ELAPOR1: variants seen among roughly 807,000 people sequenced by gnomAD.
ELAPOR1 encodes endosome-lysosome associated apoptosis and autophagy regulator 1.
A neutral mutation model predicts 119.7 loss-of-function variants in ELAPOR1; 77 were observed. The ratio of observed to expected loss-of-function variants is 0.64; its 90% confidence interval spans 0.54 to 0.78. The LOEUF (loss-of-function observed/expected upper bound fraction) is 0.78. Among genes scored for constraint, ELAPOR1 ranks in the 30% least tolerant of loss-of-function variants. The probability of loss-of-function intolerance (pLI) is 0.00; values close to 1 mark genes in which losing one functional copy is unlikely to be tolerated. For synonymous variants in ELAPOR1, 481 were observed against 487.2 expected, an observed-to-expected ratio of 0.99 and a Z score of 0.17; for missense variants, 1,115 against 1,270.4, an observed-to-expected ratio of 0.88 and a Z score of 1.86.
chr1:109,123,228 G>A (rs1648557431), intron 1 of ELAPOR1, among the ~76,000 whole-genome samples: 1 of 152,148 alleles, frequency 6.6e-6, no homozygotes, highest in South Asian at 2.1e-4. Context: ...GGAAGAATAT[G>A]TTGCCATTTT....
rs1400643296 is a variant in ELAPOR1 at position 109,177,305 on chromosome 1, T to C, written c.952+3468T>C. On this transcript the variant is annotated intron_variant, in intron 7 of 21. Coordinates refer to ENST00000369939, the MANE Select transcript of ELAPOR1 (RefSeq NM_020775.5). ...GACGCTCCTCACTTCCCAGACGGGG[T>C]GGCTGCTGGGCGGAGGGGCTCCTCA... is the stretch of plus-strand genomic sequence containing the variant. Among the ~76,000 whole-genome samples, 475 of 113,628 alleles carry C rather than the reference T, an allele frequency of 4.2e-3. 7 individuals carry two copies. Among genetic ancestry groups the C allele is most frequent in the African/African-American group, 0.015 (378 of 24,432 alleles). The allele number at this position is 113,628 out of a possible 152,430, so 74.5% of individuals were successfully genotyped here.
intron 3 of ELAPOR1, among the ~76,000 whole-genome samples, chr1:109,167,903 C>T (rs1050592205): frequency 1.3e-5 from 2 of 152,176 alleles, no homozygotes; most frequent in African/African-American, 2.4e-5. Context: ...GCCACTGCAC[C>T]CAGCCTCATC....
intron 3 of ELAPOR1, among the ~76,000 whole-genome samples, chr1:109,169,672 T>G (rs1255331875): frequency 2.0e-5 from 3 of 152,230 alleles, no homozygotes; most frequent in Non-Finnish European, 4.4e-5. Flanking sequence ...CCCCACTATG[T>G]GCCAGGTCCA....
chr1:109,197,865 C>G, intron 16 of ELAPOR1, 114 bp from the exon 17 acceptor site: 1 of 1,069,548 alleles, frequency 9.3e-7, no homozygotes, highest in Non-Finnish European at 1.4e-6. Context: ...TCATAAGCCA[C>G]TCAGGGATGT....
chr1:109,125,513 C>T (rs1648716676), intron 1 of ELAPOR1, among the ~76,000 whole-genome samples: 2 of 152,120 alleles, frequency 1.3e-5, no homozygotes, highest in Non-Finnish European at 2.9e-5. Context: ...CTGCCTCAGC[C>T]TCCCGAGTAA....
chr1:109,173,459 G>A lies in ELAPOR1; in HGVS notation c.697-15G>A, dbSNP rs764703599. On this transcript the variant is annotated splice_polypyrimidine_tract_variant and intron_variant, in intron 5 of 21. Coordinates refer to ENST00000369939, the MANE Select transcript of ELAPOR1 (RefSeq NM_020775.5). Reference sequence around the variant, plus strand: ...TTCTCTGTGATGAATGAATGCTCCTGTTTGTGGTTTTTAGGTGGAGCTAAA... The same window carrying A: ...TTCTCTGTGATGAATGAATGCTCCTATTTGTGGTTTTTAGGTGGAGCTAAA... 58 of 1,607,342 alleles carry A rather than the reference G, an allele frequency of 3.6e-5. No individual in the cohort carries two copies. The highest frequency in any genetic ancestry group is 4.5e-5 in the East Asian group (2 of 44,866).
intron 1 of ELAPOR1, among the ~76,000 whole-genome samples, chr1:109,124,495 G>A (rs1648652156): frequency 6.6e-6 from 1 of 152,176 alleles, no homozygotes; most frequent in Non-Finnish European, 1.5e-5. Flanking sequence ...CTATTAGAAT[G>A]AAGAATACTG....
At chr1:109,195,469 G>T (rs1044487368) in intron 15 of ELAPOR1, among the ~76,000 whole-genome samples, 1 of 150,658 alleles carries the variant, frequency 6.6e-6, no homozygotes, top group Non-Finnish European at 1.5e-5. Flanking sequence ...ACTCCAGCCT[G>T]GGCGACAGAG....
chr1:109,132,154 G>C (rs1649188067), intron 1 of ELAPOR1, among the ~76,000 whole-genome samples: 2 of 151,824 alleles, frequency 1.3e-5, no homozygotes, highest in Admixed American at 6.6e-5. Flanking sequence ...GACCAACCAG[G>C]CTTTTTTTTT....
intron 1 of ELAPOR1, among the ~76,000 whole-genome samples, chr1:109,122,413 C>A (rs1264038751): frequency 6.1e-5 from 9 of 148,578 alleles, no homozygotes; most frequent in African/African-American, 2.2e-4. Context: ...AATCCCAGTA[C>A]TTTGGGAGGC....
chr1:109,200,939 G>T (rs372821672), intron 21 of ELAPOR1, 39 bp downstream of exon 21: 1 of 1,591,500 alleles, frequency 6.3e-7, no homozygotes, highest in Admixed American at 1.7e-5. Context: ...CAGCCTGGAG[G>T]GCTGGAGGAG....
chr1:109,158,953 C>A (rs569567960), intron 1 of ELAPOR1, among the ~76,000 whole-genome samples: 1 of 146,014 alleles, frequency 6.8e-6, no homozygotes, highest in Non-Finnish European at 1.5e-5. Context: ...AGTAAAGTGG[C>A]GTGATCTTGG....
At chr1:109,114,562 A>C (rs551806786) in intron 1 of ELAPOR1, among the ~76,000 whole-genome samples, 3 of 152,318 alleles carry the variant, frequency 2.0e-5, no homozygotes, top group Non-Finnish European at 4.4e-5. Flanking sequence ...TGCTGAGCTC[A>C]GCGAGAAAGG....
At chr1:109,120,528 TG>T (rs1648338264) in intron 1 of ELAPOR1, among the ~76,000 whole-genome samples, 1 of 152,216 alleles carries the variant, frequency 6.6e-6, no homozygotes, top group African/African-American at 2.4e-5. Context: ...AATCTGCTGG[TG>T]CCTTGATCTT....
Position 109,188,402 on chromosome 1 carries a change from T to TGG in ELAPOR1, c.1219+50_1219+51dup, listed in dbSNP as rs1477394108. 3 of 1,559,382 alleles carry TGG rather than the reference T, an allele frequency of 1.9e-6. No individual in the cohort carries two copies. The African/African-American group carries it at 4.1e-5, about 21-fold the overall frequency. On this transcript the variant is annotated intron_variant, in intron 9 of 21. Coordinates refer to ENST00000369939, the MANE Select transcript of ELAPOR1 (RefSeq NM_020775.5). ...CTCTGCAGCACATCGACTGTGTGGGTGGGCTGTGTGGGCACTAACAGTGGC... is the reference window on the plus strand; with the variant it reads ...CTCTGCAGCACATCGACTGTGTGGGTGGGGGCTGTGTGGGCACTAACAGTGGC...
At chr1:109,147,518 A>G (rs1333644695) in intron 1 of ELAPOR1, among the ~76,000 whole-genome samples, 1 of 152,220 alleles carries the variant, frequency 6.6e-6, no homozygotes, top group Non-Finnish European at 1.5e-5. Context: ...TTATAACTAT[A>G]TACTATAATG....
At chr1:109,189,441 A>C in intron 10 of ELAPOR1, 151 bp from the exon 11 acceptor site, 1 of 820,890 alleles carries the variant, frequency 1.2e-6, no homozygotes, top group Middle Eastern at 3.6e-4. Context: ...TTTTGACCAA[A>C]GTGGCAGGAT....
chr1:109,186,987 G>A (rs946491805), intron 8 of ELAPOR1: 10 of 985,564 alleles, frequency 1.0e-5, no homozygotes, highest in African/African-American at 1.7e-5. Context: ...TCAGGAGTGC[G>A]CATGAACATG....
At chr1:109,145,048 T>C (rs1650092414) in intron 1 of ELAPOR1, among the ~76,000 whole-genome samples, 1 of 152,182 alleles carries the variant, frequency 6.6e-6, no homozygotes, top group African/African-American at 2.4e-5. Flanking sequence ...AGGTCTTTTT[T>C]TGTGATCTGC....
Sources: gnomAD v4.1 joint callset for allele counts (sites outside exome capture counted in the v4.1 genomes callset) on GRCh38, gnomAD v4.1.1 for gene constraint, MANE v1.5 for transcripts, NCBI Gene and HGNC (gene_info 2026-07-23, HGNC 2026-07-21) for gene names.